The following RBFOX1 variants were observed in gnomAD, a reference collection of about 807,000 sequenced individuals.
RBFOX1 encodes the protein RNA binding protein fox-1 homolog 1.
In RBFOX1, 8 loss-of-function variants were observed where a neutral mutation model predicts 57.7. The observed-to-expected ratio is 0.14, with a 90% CI of 0.08 to 0.25. The LOEUF (loss-of-function observed/expected upper bound fraction) is 0.25, where lower values mean the gene tolerates loss of function less well. Ranked by LOEUF, RBFOX1 falls within the 10% of genes least tolerant of loss-of-function variation. The pLI is 1.00. For missense variants in RBFOX1, 611 were observed against 548.5 expected, an observed-to-expected ratio of 1.11 and a Z score of -1.14; for synonymous variants, 326 against 222.4, an observed-to-expected ratio of 1.47 and a Z score of -4.15.
At chr16:7,646,963 G>C (rs536961513) in intron 11 of RBFOX1, among the ~76,000 whole-genome samples, 1 of 151,790 alleles carries the variant, frequency 6.6e-6, no homozygotes, top group South Asian at 2.1e-4. Flanking sequence ...TTTTTGAGGG[G>C]GAGACAGGCA....
At chr16:5,548,242 G>A (rs1289013789) in intron 2 of RBFOX1, among the ~76,000 whole-genome samples, 1 of 144,752 alleles carries the variant, frequency 6.9e-6, no homozygotes, top group Admixed American at 7.1e-5. Context: ...AAAGGAAGAA[G>A]GGAGGAAGAG....
chr16:6,931,954 C>G lies in RBFOX1; in HGVS notation c.-15-120103C>G, dbSNP rs764579546. Among the ~76,000 whole-genome samples the G allele has an allele frequency of 6.6e-5, 10 of 152,202 alleles. No individual in the cohort carries two copies. The Middle Eastern group carries it at 0.017, about 259-fold the overall frequency. Reference sequence around the variant, plus strand: ...AGAGAACCAGGGGGCTGAAGTCATCCTTTTAATCAGGAATCAACTCCCAAG... The same window carrying G: ...AGAGAACCAGGGGGCTGAAGTCATCGTTTTAATCAGGAATCAACTCCCAAG... On this transcript the variant is annotated intron_variant, in intron 3 of 15. Transcript: ENST00000550418.
At chr16:7,021,525 T>C in intron 3 of RBFOX1, among the ~76,000 whole-genome samples, 1 of 145,752 alleles carries the variant, frequency 6.9e-6, no homozygotes, top group East Asian at 2.0e-4. Flanking sequence ...TTTATAAAAT[T>C]TATAAAATTT....
intron 1 of RBFOX1, among the ~76,000 whole-genome samples, chr16:6,223,051 T>C (rs1447890465): frequency 6.7e-6 from 1 of 149,890 alleles, no homozygotes; most frequent in East Asian, 2.0e-4. Flanking sequence ...TATGGCTGCA[T>C]AGTATTCCAT....
At chr16:6,269,246 A>G (rs539087479) in intron 1 of RBFOX1, among the ~76,000 whole-genome samples, 12 of 152,280 alleles carry the variant, frequency 7.9e-5, no homozygotes, top group African/African-American at 2.4e-4. Context: ...TAGTTGTTAT[A>G]CTGTCATTTA....
chr16:6,846,072 C>T (rs2093739033), intron 3 of RBFOX1, among the ~76,000 whole-genome samples: 1 of 152,194 alleles, frequency 6.6e-6, no homozygotes, highest in Non-Finnish European at 1.5e-5. Flanking sequence ...TAATCTGTGT[C>T]CATTCATATT....
chr16:6,359,715 C>G (rs1160924770), intron 2 of RBFOX1, among the ~76,000 whole-genome samples: 1 of 152,154 alleles, frequency 6.6e-6, no homozygotes, highest in Admixed American at 6.5e-5. Context: ...CTACTGTCTT[C>G]CACGAAGGGA....
At chr16:7,634,434 G>C (rs1568203713) in intron 11 of RBFOX1, among the ~76,000 whole-genome samples, 1 of 149,800 alleles carries the variant, frequency 6.7e-6, no homozygotes, top group Non-Finnish European at 1.5e-5. Flanking sequence ...TAGTCAAATA[G>C]CTAATCATCT....
intron 1 of RBFOX1, among the ~76,000 whole-genome samples, chr16:6,205,023 T>C (rs1481484681): frequency 6.6e-6 from 1 of 152,186 alleles, no homozygotes; most frequent in Non-Finnish European, 1.5e-5. Context: ...ATAAACCGAT[T>C]GACTGAGACA....
chr16:5,590,769 C>G (rs1208816784), intron 2 of RBFOX1, among the ~76,000 whole-genome samples: 1 of 152,190 alleles, frequency 6.6e-6, no homozygotes, highest in Non-Finnish European at 1.5e-5. Context: ...GATTTGCCAG[C>G]TTGCCTGGAG....
intron 4 of RBFOX1, among the ~76,000 whole-genome samples, chr16:5,991,141 G>T (rs903108114): frequency 2.4e-4 from 36 of 152,156 alleles, no homozygotes; most frequent in African/African-American, 7.0e-4. Context: ...TGGACCATTT[G>T]GGGGGTGACT....
At chr16:7,446,655 C>T (rs147842501) in intron 4 of RBFOX1, among the ~76,000 whole-genome samples, 2 of 152,204 alleles carry the variant, frequency 1.3e-5, no homozygotes, top group Non-Finnish European at 2.9e-5. Context: ...TCTCTTTACA[C>T]CAGCAGCCTC....
At chr16:7,011,489 G>C (rs535016695) in intron 3 of RBFOX1, among the ~76,000 whole-genome samples, 5 of 151,956 alleles carry the variant, frequency 3.3e-5, no homozygotes, top group Non-Finnish European at 5.9e-5. Flanking sequence ...GTGTTTGTTT[G>C]TTTTTGTTGT....
At chr16:5,984,977 T>TATATATATATATATATATATATA (rs1555462740) in intron 4 of RBFOX1, among the ~76,000 whole-genome samples, 1 of 40,588 alleles carries the variant, frequency 2.5e-5, no homozygotes, top group Non-Finnish European at 4.2e-5. Context: ...TATATATATA[T>TATATATATATATATATATATATA]TTTTTTTTTT....
chr16:5,849,635 C>G (rs1022320046), intron 3 of RBFOX1, among the ~76,000 whole-genome samples: 1 of 152,056 alleles, frequency 6.6e-6, no homozygotes, highest in Non-Finnish European at 1.5e-5. Context: ...CTGGAAGTGC[C>G]GACTGCTCAC....
intron 3 of RBFOX1, among the ~76,000 whole-genome samples, chr16:6,752,259 A>G (rs1291729975): frequency 1.3e-5 from 2 of 152,212 alleles, no homozygotes; most frequent in African/African-American, 4.8e-5. Context: ...TGTCATTTAT[A>G]ACATCGAAGT....
At chr16:7,397,163 A>T (rs2098154546) in intron 4 of RBFOX1, among the ~76,000 whole-genome samples, 1 of 152,198 alleles carries the variant, frequency 6.6e-6, no homozygotes, top group Non-Finnish European at 1.5e-5. Context: ...ATCTTTTACC[A>T]AAATGTTACC....
chr16:6,035,796 T>A (rs2095358084), intron 1 of RBFOX1, among the ~76,000 whole-genome samples: 1 of 152,180 alleles, frequency 6.6e-6, no homozygotes, highest in Non-Finnish European at 1.5e-5. Context: ...CCCTGTTACA[T>A]GGTGCCTTTT....
chr16:6,257,568 A>G (rs927443696), intron 1 of RBFOX1, among the ~76,000 whole-genome samples: 1 of 151,850 alleles, frequency 6.6e-6, no homozygotes. Flanking sequence ...ATCCTCTCCC[A>G]CTTCCCATCC....
Sources: gnomAD v4.1 joint callset for allele counts (sites outside exome capture counted in the v4.1 genomes callset) on GRCh38, gnomAD v4.1.1 for gene constraint, MANE v1.5 for transcripts, NCBI Gene and HGNC (gene_info 2026-07-23, HGNC 2026-07-21) for gene names.